AIG1: variants seen among roughly 807,000 people sequenced by gnomAD.
AIG1 encodes androgen-induced gene 1 protein.
Under a neutral mutation model 31.4 loss-of-function variants are expected in AIG1, and 23 were observed. That is an observed-to-expected ratio of 0.73 (90% CI 0.53 to 1.04). The LOEUF (loss-of-function observed/expected upper bound fraction) is 1.04. Among genes scored for constraint, AIG1 ranks in the 50% least tolerant of loss-of-function variants. AIG1 has a pLI of 0.00. For synonymous variants in AIG1, 100 were observed against 110.5 expected, an observed-to-expected ratio of 0.90 and a Z score of 0.60; for missense variants, 274 against 295.0, an observed-to-expected ratio of 0.93 and a Z score of 0.52.
At chr6:143,217,231 A>G (rs910025155) in intron 3 of AIG1, among the ~76,000 whole-genome samples, 1 of 152,104 alleles carries the variant, frequency 6.6e-6, no homozygotes, top group Non-Finnish European at 1.5e-5. Flanking sequence ...TCACCTTCCA[A>G]TCACTGTGTT....
intron 3 of AIG1, among the ~76,000 whole-genome samples, chr6:143,204,393 C>CT (rs1302317386): frequency 6.6e-6 from 1 of 152,022 alleles, no homozygotes; most frequent in Non-Finnish European, 1.5e-5. Flanking sequence ...GGTACTCTGA[C>CT]TTTTTTTGGC....
chr6:143,230,031 C>T (rs1168618417), intron 3 of AIG1, among the ~76,000 whole-genome samples: 1 of 152,150 alleles, frequency 6.6e-6, no homozygotes, highest in African/African-American at 2.4e-5. Context: ...GCTAATATCT[C>T]ATCTTCTTTC....
At chr6:143,266,363 A>AAATAAT (rs1796159094) in intron 3 of AIG1, among the ~76,000 whole-genome samples, 1 of 150,560 alleles carries the variant, frequency 6.6e-6, no homozygotes, top group Non-Finnish European at 1.5e-5. Context: ...AAAAAAAAAA[A>AAATAAT]AAGAATAATA....
chr6:143,236,182 A>G (rs1228693703), intron 3 of AIG1, among the ~76,000 whole-genome samples: 1 of 152,106 alleles, frequency 6.6e-6, no homozygotes. Flanking sequence ...GGGCCTTACG[A>G]GTTGTGCCAG....
intron 1 of AIG1, among the ~76,000 whole-genome samples, chr6:143,094,679 C>T (rs369858449): frequency 2.7e-4 from 41 of 152,088 alleles, no homozygotes; most frequent in East Asian, 1.4e-3. Context: ...GATAAGTCTC[C>T]GTATCCTATC....
chr6:143,059,217 C>T (rs1004499499), upstream of AIG1, among the ~76,000 whole-genome samples: 11 of 152,212 alleles, frequency 7.2e-5, no homozygotes, highest in African/African-American at 2.7e-4. Flanking sequence ...GCAGCAGCAA[C>T]CCGCTCCAGT....
At chr6:143,310,788 A>T (rs1298839390) in intron 4 of AIG1, among the ~76,000 whole-genome samples, 1 of 151,772 alleles carries the variant, frequency 6.6e-6, no homozygotes, top group Non-Finnish European at 1.5e-5. Flanking sequence ...TATGGACATT[A>T]AAAGAATAAT....
At chr6:143,181,498 A>C (rs563721659) in intron 3 of AIG1, among the ~76,000 whole-genome samples, 81 of 152,354 alleles carry the variant, frequency 5.3e-4, no homozygotes, top group Non-Finnish European at 9.6e-4. Flanking sequence ...TAACAAGTCC[A>C]GTCCTCCCAT....
intron 3 of AIG1, among the ~76,000 whole-genome samples, chr6:143,275,096 T>G (rs1796804536): frequency 1.3e-5 from 2 of 152,238 alleles, no homozygotes; most frequent in Non-Finnish European, 2.9e-5. Context: ...CTTTTTGTTC[T>G]TTATCTTATG....
chr6:143,131,069 T>A (rs1421310559), intron 1 of AIG1, among the ~76,000 whole-genome samples: 1 of 152,248 alleles, frequency 6.6e-6, no homozygotes, highest in Non-Finnish European at 1.5e-5. Flanking sequence ...TATACTTACA[T>A]GCTTTTTTTT....
At position 143,293,885 on chromosome 6, in the gene AIG1, T is replaced by G. The variant is rs1292288711; in HGVS notation, c.515+9660T>G. ...TGTGCTCTTGATGCTACTTGGCAAT[T>G]TTCCTGTGGATTTCTCCAGCCATCT... On this transcript the variant is annotated intron_variant, in intron 4 of 5. Coordinates refer to ENST00000357847, the MANE Select transcript of AIG1 (RefSeq NM_016108.4). This position sits in a 1 kb window ranked among gnomAD's most constrained non-coding sequence, Gnocchi z 4.8. 6.7e-6 allele frequency among the ~76,000 whole-genome samples: 1 copy of G among 149,828 alleles called. No homozygotes were observed. Among genetic ancestry groups the G allele is most frequent in the Non-Finnish European group, 1.5e-5 (1 of 67,982 alleles).
intron 3 of AIG1, among the ~76,000 whole-genome samples, chr6:143,171,889 G>C (rs1562455078): frequency 6.6e-6 from 1 of 151,946 alleles, no homozygotes; most frequent in East Asian, 1.9e-4. Flanking sequence ...GGAGTCAGAT[G>C]GTATTGCATT....
intron 3 of AIG1, among the ~76,000 whole-genome samples, chr6:143,194,070 TC>T (rs1215548561): frequency 6.6e-6 from 1 of 152,210 alleles, no homozygotes; most frequent in African/African-American, 2.4e-5. Context: ...GCATGATTCT[TC>T]CTGCTTATCC....
intron 4 of AIG1, among the ~76,000 whole-genome samples, chr6:143,332,530 A>T (rs1206283580): frequency 2.0e-5 from 3 of 152,220 alleles, no homozygotes; most frequent in African/African-American, 7.2e-5. Flanking sequence ...TCAATGTCAC[A>T]TCTGAAGATC....
chr6:143,152,828 C>T (rs1233467805), intron 2 of AIG1, among the ~76,000 whole-genome samples: 2 of 152,192 alleles, frequency 1.3e-5, no homozygotes, highest in Non-Finnish European at 2.9e-5. Context: ...TCACTCTTCA[C>T]AAAATAAGAC....
At chr6:143,127,888 A>G (rs1208348437) in intron 1 of AIG1, among the ~76,000 whole-genome samples, 2 of 152,020 alleles carry the variant, frequency 1.3e-5, no homozygotes, top group Non-Finnish European at 2.9e-5. Context: ...GAGTTTTACC[A>G]TGTTGGCCAG....
chr6:143,277,809 T>C (rs188941963), intron 3 of AIG1, among the ~76,000 whole-genome samples: 1 of 152,302 alleles, frequency 6.6e-6, no homozygotes, highest in South Asian at 2.1e-4. Flanking sequence ...TAAAAAATAT[T>C]TTGGAGAGAA....
intron 3 of AIG1, among the ~76,000 whole-genome samples, chr6:143,172,357 G>A (rs1787718901): frequency 6.6e-6 from 1 of 152,074 alleles, no homozygotes; most frequent in African/African-American, 2.4e-5. Flanking sequence ...TGTTCACATG[G>A]TGCATCACAT....
intron 1 of AIG1, among the ~76,000 whole-genome samples, chr6:143,080,464 C>T (rs569017872): frequency 4.0e-5 from 6 of 151,812 alleles, no homozygotes; most frequent in South Asian, 2.1e-4. Flanking sequence ...TGAGTGTGGG[C>T]GGTGCAAGTG....
Sources: allele counts gnomAD v4.1 joint callset (sites outside exome capture counted in the v4.1 genomes callset), GRCh38; gene constraint gnomAD v4.1.1; non-coding constraint Gnocchi (gnomAD v3.1); transcripts MANE v1.5; gene names NCBI Gene and HGNC (gene_info 2026-07-23, HGNC 2026-07-21).